HMGB1: variants seen among roughly 807,000 people sequenced by gnomAD.
The protein encoded by HMGB1 is high mobility group protein B1.
For missense variants in HMGB1, 79 were observed against 253.5 expected (o/e 0.31, Z 4.67); for synonymous variants, 81 against 84.0 (o/e 0.96, Z 0.19).
intron 1 of HMGB1, among the ~76,000 whole-genome samples, chr13:30,487,194 G>T (rs1249839128): frequency 6.6e-6 from 1 of 151,446 alleles, no homozygotes; most frequent in African/African-American, 2.4e-5. Flanking sequence ...GGATGGAAGT[G>T]GCTTTTTCCA....
chr13:30,552,725 T>C (rs1409216522), intron 1 of HMGB1, among the ~76,000 whole-genome samples: 1 of 152,254 alleles, frequency 6.6e-6, no homozygotes, highest in Non-Finnish European at 1.5e-5. Flanking sequence ...AATGAATGCA[T>C]GATGAGACAT....
At chr13:30,577,642 A>T (rs1365402815) in intron 1 of HMGB1, among the ~76,000 whole-genome samples, 1 of 152,202 alleles carries the variant, frequency 6.6e-6, no homozygotes, top group Non-Finnish European at 1.5e-5. Flanking sequence ...TTAAGTCCTC[A>T]TTCTGCCACT....
At chr13:30,582,850 A>G (rs1280684109) in intron 1 of HMGB1, among the ~76,000 whole-genome samples, 1 of 152,056 alleles carries the variant, frequency 6.6e-6, no homozygotes, top group Non-Finnish European at 1.5e-5. Context: ...CCCACATCCA[A>G]CCCATCAGTA....
chr13:30,584,945 C>G (rs1362330768), intron 1 of HMGB1, among the ~76,000 whole-genome samples: 1 of 152,064 alleles, frequency 6.6e-6, no homozygotes, highest in Non-Finnish European at 1.5e-5. Context: ...ACCAGGAATT[C>G]GAGACCAGCC....
chr13:30,475,042 TCTC>T (rs796909192), intron 1 of HMGB1, among the ~76,000 whole-genome samples: 63 of 98,934 alleles, frequency 6.4e-4, no homozygotes, highest in African/African-American at 2.4e-3. Flanking sequence ...TCTCTCTCTC[TCTC>T]TTTTTTTTTT....
chr13:30,498,390 T>C (rs1242637536), intron 1 of HMGB1, among the ~76,000 whole-genome samples: 1 of 152,130 alleles, frequency 6.6e-6, no homozygotes, highest in Non-Finnish European at 1.5e-5. Flanking sequence ...TTGGAATTTA[T>C]ATTCTCACTG....
At chr13:30,615,325 A>G (rs1950550626) in intron 1 of HMGB1, among the ~76,000 whole-genome samples, 1 of 152,228 alleles carries the variant, frequency 6.6e-6, no homozygotes, top group African/African-American at 2.4e-5. Flanking sequence ...CAATTCCTTA[A>G]CTAAAACCCA....
chr13:30,615,849 C>T (rs1360023847), intron 1 of HMGB1, among the ~76,000 whole-genome samples: 1 of 152,164 alleles, frequency 6.6e-6, no homozygotes, highest in Non-Finnish European at 1.5e-5. Flanking sequence ...ACTACTGCAG[C>T]TGTTCGTTAG....
At chr13:30,506,579 G>A (rs991303962) in intron 1 of HMGB1, among the ~76,000 whole-genome samples, 2 of 152,096 alleles carry the variant, frequency 1.3e-5, no homozygotes, top group Admixed American at 1.3e-4. Context: ...CCTTCTGTCA[G>A]TCATTCTGCC....
At chr13:30,485,034 CTTTTTT>C (rs59990628) in intron 1 of HMGB1, among the ~76,000 whole-genome samples, 2 of 134,568 alleles carry the variant, frequency 1.5e-5, no homozygotes, top group Non-Finnish European at 3.1e-5. Flanking sequence ...TTTTCTTTTT[CTTTTTT>C]TTTTTTTTTG....
upstream of HMGB1, among the ~76,000 whole-genome samples, chr13:30,467,563 T>C (rs1886825885): frequency 6.6e-6 from 1 of 152,238 alleles, no homozygotes; most frequent in Non-Finnish European, 1.5e-5. Flanking sequence ...GCACATGCAG[T>C]GTTTAAAGAT....
At chr13:30,522,109 CTTTTT>C (rs35096026) in intron 1 of HMGB1, among the ~76,000 whole-genome samples, 1 of 130,168 alleles carries the variant, frequency 7.7e-6, no homozygotes, top group Non-Finnish European at 1.6e-5. Context: ...AATTATGATA[CTTTTT>C]TTTTTTTTTT....
intron 1 of HMGB1, among the ~76,000 whole-genome samples, chr13:30,584,910 G>A (rs1871076077): frequency 6.6e-6 from 1 of 152,164 alleles, no homozygotes; most frequent in Non-Finnish European, 1.5e-5. Context: ...CATAGTGGAA[G>A]GCCGAGGAGG....
intron 1 of HMGB1, among the ~76,000 whole-genome samples, chr13:30,537,809 T>C (rs1433549636): frequency 4.0e-5 from 6 of 151,410 alleles, no homozygotes; most frequent in Non-Finnish European, 1.5e-5. Context: ...GTTGAACAGA[T>C]GTAGTTCTGT....
Position 30,560,004 on chromosome 13 carries a change from C to G in HMGB1, c.-15+56667G>C, listed in dbSNP as rs116861221. 7.0e-3 allele frequency among the ~76,000 whole-genome samples: 1,065 copies of G among 152,202 alleles called. 5 individuals carry two copies. The highest frequency in any genetic ancestry group is 0.012 in the Non-Finnish European group (821 of 68,018). ...CATTGAGACCCCCAAGGCACCCCCTCCCAGCATTTACCAGAATGTGTGTGT... is the reference window on the plus strand; with the variant it reads ...CATTGAGACCCCCAAGGCACCCCCTGCCAGCATTTACCAGAATGTGTGTGT... On this transcript the variant is annotated intron_variant, in intron 1 of 4. Coordinates refer to the HMGB1 transcript ENST00000405805.
intron 1 of HMGB1, among the ~76,000 whole-genome samples, chr13:30,604,016 T>C (rs1950429254): frequency 6.6e-6 from 1 of 152,122 alleles, no homozygotes; most frequent in Non-Finnish European, 1.5e-5. Flanking sequence ...CATCTTACCA[T>C]GCATTCAACA....
rs118188773 is a variant in HMGB1 at position 30,500,066 on chromosome 13, C to T, written c.-14-36372G>A. ...AATGCCATCAGGTGAAGTGAGTTCT[C>T]GAGGGAGTGAATTGGCTCTCACAGG... On this transcript the variant is annotated intron_variant, in intron 1 of 4. Coordinates refer to the HMGB1 transcript ENST00000405805. 7.4e-3 allele frequency among the ~76,000 whole-genome samples: 1,126 copies of T among 152,220 alleles called. 6 individuals are homozygous for T. The highest frequency in any genetic ancestry group is 0.034 in the Middle Eastern group (10 of 294).
intron 1 of HMGB1, among the ~76,000 whole-genome samples, chr13:30,491,883 C>T (rs1453193476): frequency 6.6e-6 from 1 of 151,998 alleles, no homozygotes; most frequent in East Asian, 1.9e-4. Flanking sequence ...AGAAAGATAT[C>T]ATTGGCCAGG....
upstream of HMGB1, among the ~76,000 whole-genome samples, chr13:30,467,219 CT>C (rs41369348): frequency 0.032 from 4,927 of 152,146 alleles, 126 homozygotes; most frequent in Non-Finnish European, 0.049. Context: ...ACAGACTTCC[CT>C]TTTTTTTCAC....
Sources: allele counts gnomAD v4.1 joint callset (sites outside exome capture counted in the v4.1 genomes callset), GRCh38; gene constraint gnomAD v4.1.1; transcripts MANE v1.5; gene names NCBI Gene and HGNC (gene_info 2026-07-23, HGNC 2026-07-21).